AFF3: variants seen among roughly 807,000 people sequenced by gnomAD.
AFF3 encodes the protein ALF transcription elongation factor 3.
Under a neutral mutation model 129.7 loss-of-function variants are expected in AFF3, and 32 were observed. The observed-to-expected ratio is 0.25, with a 90% confidence interval of 0.19 to 0.33. The LOEUF is 0.33. Ranked by LOEUF, AFF3 falls within the 10% of genes least tolerant of loss-of-function variation. The probability of loss-of-function intolerance (pLI) is 1.00; values close to 1 mark genes in which losing one functional copy is unlikely to be tolerated. For missense variants in AFF3, 1,373 were observed against 1,592.0 expected (o/e 0.86, Z 2.34); for synonymous variants, 644 against 635.4 (o/e 1.01, Z -0.20).
chr2:99,725,488 C>G (rs769376311), intron 11 of AFF3, among the ~76,000 whole-genome samples: 2 of 152,140 alleles, frequency 1.3e-5, no homozygotes, highest in Non-Finnish European at 2.9e-5. Context: ...TGCCACCACA[C>G]CCAGCTAATT....
chr2:99,853,327 C>T (rs2105880837), intron 7 of AFF3, among the ~76,000 whole-genome samples: 1 of 152,212 alleles, frequency 6.6e-6, no homozygotes, highest in Admixed American at 6.5e-5. Context: ...CCATTGAATT[C>T]CTTGGTGTTT....
intron 8 of AFF3, among the ~76,000 whole-genome samples, chr2:99,821,972 C>T (rs574437767): frequency 3.7e-4 from 57 of 152,264 alleles, no homozygotes; most frequent in African/African-American, 1.3e-3. Flanking sequence ...GTGGTATAAA[C>T]ACAAGTCTTG....
At chr2:100,110,424 C>T (rs1350101763) in intron 2 of AFF3, 2 of 152,300 alleles carry the variant, frequency 1.3e-5, no homozygotes, top group Admixed American at 1.3e-4. Context: ...GAAGTCACAA[C>T]ACAACTGTGG....
chr2:99,559,049 T>C, intron 21 of AFF3, 81 bp from the exon 22 acceptor site: 2 of 1,254,542 alleles, frequency 1.6e-6, no homozygotes, highest in South Asian at 2.4e-5. Flanking sequence ...TTGTTGTTGT[T>C]CTAAGGTACT....
At chr2:100,036,447 AT>A (rs1181297971) in intron 4 of AFF3, among the ~76,000 whole-genome samples, 1 of 152,182 alleles carries the variant, frequency 6.6e-6, no homozygotes, top group African/African-American at 2.4e-5. Context: ...GAAAAAATAC[AT>A]TTTATTCCTA....
At chr2:99,972,910 C>A (rs1295334432) in intron 7 of AFF3, among the ~76,000 whole-genome samples, 2 of 152,186 alleles carry the variant, frequency 1.3e-5, no homozygotes, top group Non-Finnish European at 2.9e-5. Context: ...GCGTTGCTTT[C>A]TTTATTCCTT....
At chr2:99,822,939 C>T (rs1687800613) in intron 8 of AFF3, among the ~76,000 whole-genome samples, 1 of 152,092 alleles carries the variant, frequency 6.6e-6, no homozygotes, top group African/African-American at 2.4e-5. Context: ...TTTTGTAGAC[C>T]AGACAGGAGG....
intron 4 of AFF3, among the ~76,000 whole-genome samples, chr2:100,016,533 G>C (rs1184153053): frequency 6.6e-6 from 1 of 151,158 alleles, no homozygotes; most frequent in Non-Finnish European, 1.5e-5. Context: ...GGTAGTGGTG[G>C]TGATGGTGGT....
chr2:100,015,388 C>T (rs1392940246), intron 4 of AFF3, among the ~76,000 whole-genome samples: 4 of 152,058 alleles, frequency 2.6e-5, no homozygotes, highest in Non-Finnish European at 4.4e-5. Flanking sequence ...AACATGCTCC[C>T]TGGGCATGGA....
intron 17 of AFF3, among the ~76,000 whole-genome samples, chr2:99,581,832 T>C (rs556407489): frequency 2.2e-4 from 33 of 150,664 alleles, no homozygotes; most frequent in Admixed American, 1.3e-4. Context: ...GTTAGTTGCT[T>C]AGGCGTCCCT....
At chr2:99,666,914 T>C (rs77742402) in intron 12 of AFF3, among the ~76,000 whole-genome samples, 5,260 of 152,010 alleles carry the variant, frequency 0.035, 115 homozygotes, top group Non-Finnish European at 0.044. Flanking sequence ...AACAACCCGA[T>C]TGAATAGAAA....
At chr2:99,984,687 C>T (rs1050975342) in intron 7 of AFF3, among the ~76,000 whole-genome samples, 4 of 152,068 alleles carry the variant, frequency 2.6e-5, no homozygotes, top group African/African-American at 9.7e-5. Flanking sequence ...CTGCCCACCC[C>T]ACCAACCCCC....
At chr2:99,957,145 ACG>A (rs1491413169) in intron 7 of AFF3, among the ~76,000 whole-genome samples, 2 of 146,760 alleles carry the variant, frequency 1.4e-5, no homozygotes, top group African/African-American at 5.5e-5. Context: ...GTGTGGACAT[ACG>A]TGTGTGTGTG....
At chr2:99,905,246 C>T (rs1694629015) in intron 7 of AFF3, among the ~76,000 whole-genome samples, 1 of 152,220 alleles carries the variant, frequency 6.6e-6, no homozygotes, top group South Asian at 2.1e-4. Context: ...CACGTCTTCA[C>T]AGAGTTGCCC....
At chr2:99,670,031 T>A (rs1339681200) in intron 12 of AFF3, among the ~76,000 whole-genome samples, 2 of 152,094 alleles carry the variant, frequency 1.3e-5, no homozygotes, top group Admixed American at 1.3e-4. Context: ...AGCTTGGGGA[T>A]CTAGCATTAA....
At chr2:99,608,635 A>T (rs2105173168) in intron 13 of AFF3, among the ~76,000 whole-genome samples, 1 of 152,284 alleles carries the variant, frequency 6.6e-6, no homozygotes, top group East Asian at 1.9e-4. Flanking sequence ...TCCCCAGCCG[A>T]GGGGAAGGAA....
intron 7 of AFF3, among the ~76,000 whole-genome samples, chr2:99,967,659 C>T (rs1476395183): frequency 2.0e-5 from 3 of 152,206 alleles, no homozygotes; most frequent in Non-Finnish European, 4.4e-5. Flanking sequence ...AAAAAGCACA[C>T]CCTTGCTTAT....
Position 99,568,894 on chromosome 2 carries a change from A to G in AFF3, c.2940T>C (p.Phe980=), listed in dbSNP as rs772721788. ...FDDMPRSADY[F]MQEAKRMKHK... is the part of the protein sequence containing the mutation. ...GCTTCATTCGTTTAGCTTCTTGCAT[A>G]AAATAATCGGCACTGCGAGGCCTAC... is the stretch of plus-strand genomic sequence containing the variant. The change falls in exon 19 of 25, where the codon TTT becomes TTC. Residue 980 remains phenylalanine (F), a synonymous_variant. Transcript: ENST00000672756. 1.9e-6 allele frequency: 3 copies of G among 1,614,166 alleles called. No homozygotes were observed. Among genetic ancestry groups the G allele is most frequent in the South Asian group, 2.2e-5 (2 of 91,082 alleles).
chr2:99,777,948 A>C (rs1684050423), intron 8 of AFF3, among the ~76,000 whole-genome samples: 1 of 56,232 alleles, frequency 1.8e-5, no homozygotes, highest in Admixed American at 1.7e-4. Flanking sequence ...AAGCAAAAGC[A>C]AAAAAAAAAA....
Sources: gnomAD v4.1 joint callset for allele counts (sites outside exome capture counted in the v4.1 genomes callset) on GRCh38, gnomAD v4.1.1 for gene constraint, MANE v1.5 for transcripts, NCBI Gene and HGNC (gene_info 2026-07-23, HGNC 2026-07-21) for gene names.